KCND2: variants seen among roughly 807,000 people sequenced by gnomAD.
KCND2 encodes the protein A-type voltage-gated potassium channel KCND2.
KCND2 carries 16 observed loss-of-function variants against 54.4 expected under a neutral mutation model. The ratio of observed to expected loss-of-function variants is 0.29; its 90% CI spans 0.20 to 0.45. KCND2 has a LOEUF of 0.45. Ranked by LOEUF, KCND2 falls within the 20% of genes least tolerant of loss-of-function variation. The pLI is 1.00. For missense variants in KCND2, 486 were observed against 824.2 expected (o/e 0.59, Z 5.02); for synonymous variants, 317 against 310.7 (o/e 1.02, Z -0.21).
At chr7:120,512,832 C>T (rs970236878) in intron 1 of KCND2, among the ~76,000 whole-genome samples, 4 of 144,410 alleles carry the variant, frequency 2.8e-5, no homozygotes, top group Non-Finnish European at 6.0e-5. Flanking sequence ...CAGATTCTTG[C>T]TCTGTCTCCC....
intron 1 of KCND2, among the ~76,000 whole-genome samples, chr7:120,387,549 T>C (rs1801008439): frequency 6.6e-6 from 1 of 152,080 alleles, no homozygotes; most frequent in African/African-American, 2.4e-5. Flanking sequence ...TACCCCTGTG[T>C]CTTCTCATTA....
chr7:120,386,898 AG>A (rs1166959795), intron 1 of KCND2, among the ~76,000 whole-genome samples: 4 of 152,132 alleles, frequency 2.6e-5, no homozygotes, highest in Non-Finnish European at 5.9e-5. Flanking sequence ...CAATAGTTAA[AG>A]GATGTTTCTG....
At chr7:120,657,465 T>A (rs1791816663) in intron 1 of KCND2, among the ~76,000 whole-genome samples, 1 of 152,184 alleles carries the variant, frequency 6.6e-6, no homozygotes, top group African/African-American at 2.4e-5. Context: ...CTTAGGCCTC[T>A]GTTATAACAG....
intron 1 of KCND2, among the ~76,000 whole-genome samples, chr7:120,516,253 T>C (rs802333): frequency 0.13 from 19,779 of 152,106 alleles, 2,306 homozygotes; most frequent in East Asian, 0.49. Context: ...CTGCAAATAA[T>C]TTTCCTGGGA....
chr7:120,325,643 G>A (rs867235980), intron 1 of KCND2, among the ~76,000 whole-genome samples: 1 of 151,976 alleles, frequency 6.6e-6, no homozygotes, highest in Non-Finnish European at 1.5e-5. Context: ...GCATCCCAGG[G>A]ATGAAGCCCA....
intron 1 of KCND2, among the ~76,000 whole-genome samples, chr7:120,514,099 C>T (rs1434287749): frequency 6.6e-6 from 1 of 152,140 alleles, no homozygotes; most frequent in East Asian, 1.9e-4. Flanking sequence ...AATTGATATA[C>T]TGATTTATTT....
At chr7:120,579,629 TAAATAAATAAATAAATA>T (rs1162433742) in intron 1 of KCND2, among the ~76,000 whole-genome samples, 2,423 of 145,932 alleles carry the variant, frequency 0.017, 54 homozygotes, top group African/African-American at 0.059. Flanking sequence ...AATAAATAAA[TAAATAAATAAATAAATA>T]AAATAAAATA....
intron 1 of KCND2, among the ~76,000 whole-genome samples, chr7:120,409,875 C>A (rs924309460): frequency 1.6e-4 from 24 of 151,772 alleles, no homozygotes; most frequent in African/African-American, 5.6e-4. Flanking sequence ...CTTCCTAAGA[C>A]AAAATTTAAA....
Position 120,654,961 on chromosome 7 carries a change from C to T in KCND2, c.1116-77942C>T, listed in dbSNP as rs1160177905. Reference sequence around the variant, plus strand: ...TATTCACTTATTACACACATCTGTGCTTTTTGAACATGATATTATGTGTAT... The same window carrying T: ...TATTCACTTATTACACACATCTGTGTTTTTTGAACATGATATTATGTGTAT... On this transcript the variant is annotated intron_variant, in intron 1 of 5. Coordinates refer to ENST00000331113, the MANE Select transcript of KCND2 (RefSeq NM_012281.3). Among the ~76,000 whole-genome samples the T allele has an allele frequency of 2.0e-5, 3 of 152,016 alleles. No individual in the cohort carries two copies. In the East Asian group the frequency reaches 5.8e-4, roughly 29 times the overall value.
At chr7:120,546,965 T>G (rs1456129813) in intron 1 of KCND2, among the ~76,000 whole-genome samples, 2 of 151,930 alleles carry the variant, frequency 1.3e-5, no homozygotes, top group African/African-American at 4.8e-5. Flanking sequence ...ATTTTTCTCC[T>G]CTGTCTCACT....
At chr7:120,330,793 C>T (rs374582998) in intron 1 of KCND2, among the ~76,000 whole-genome samples, 12 of 151,878 alleles carry the variant, frequency 7.9e-5, no homozygotes, top group African/African-American at 1.7e-4. Context: ...AATTAATATA[C>T]GTAGATGTTT....
At chr7:120,461,914 T>G (rs1358875149) in intron 1 of KCND2, among the ~76,000 whole-genome samples, 6 of 152,152 alleles carry the variant, frequency 3.9e-5, no homozygotes, top group Non-Finnish European at 5.9e-5. Context: ...GAAAGTTGGA[T>G]TCTTACATTC....
At chr7:120,338,604 G>A (rs1006985221) in intron 1 of KCND2, among the ~76,000 whole-genome samples, 4 of 151,646 alleles carry the variant, frequency 2.6e-5, no homozygotes, top group Admixed American at 6.6e-5. Flanking sequence ...TTTATCAACC[G>A]AAATTTTTCT....
At chr7:120,677,979 A>G (rs1792087772) in intron 1 of KCND2, among the ~76,000 whole-genome samples, 1 of 151,990 alleles carries the variant, frequency 6.6e-6, no homozygotes, top group East Asian at 1.9e-4. Context: ...TTGCATCTAT[A>G]TCCTTTATTG....
intron 1 of KCND2, among the ~76,000 whole-genome samples, chr7:120,538,284 C>T (rs1791936178): frequency 6.6e-6 from 1 of 152,162 alleles, no homozygotes; most frequent in Non-Finnish European, 1.5e-5. Flanking sequence ...CAATTCGTGA[C>T]ACCTGAAAAC....
intron 1 of KCND2, among the ~76,000 whole-genome samples, chr7:120,295,393 G>GAC (rs371319816): frequency 1.1e-4 from 7 of 64,970 alleles, no homozygotes; most frequent in Non-Finnish European, 1.9e-4. Flanking sequence ...CACACACACA[G>GAC]ACACACACAC....
intron 1 of KCND2, among the ~76,000 whole-genome samples, chr7:120,326,604 G>A (rs1036493814): frequency 1.1e-4 from 17 of 152,146 alleles, no homozygotes; most frequent in Non-Finnish European, 2.1e-4. Context: ...CAAGAAAGTT[G>A]TGCAGATAAT....
chr7:120,630,684 A>G (rs1027248249), intron 1 of KCND2, among the ~76,000 whole-genome samples: 9 of 152,206 alleles, frequency 5.9e-5, no homozygotes, highest in African/African-American at 1.9e-4. Flanking sequence ...CCAGACCATT[A>G]AAAGAATGAC....
At chr7:120,737,626 G>A (rs776054768) in intron 2 of KCND2, among the ~76,000 whole-genome samples, 2 of 151,994 alleles carry the variant, frequency 1.3e-5, no homozygotes, top group African/African-American at 4.8e-5. Flanking sequence ...CTCATTTCTA[G>A]CACAGCTATT....
Sources: gnomAD v4.1 joint callset for allele counts (sites outside exome capture counted in the v4.1 genomes callset) on GRCh38, gnomAD v4.1.1 for gene constraint, MANE v1.5 for transcripts, NCBI Gene and HGNC (gene_info 2026-07-23, HGNC 2026-07-21) for gene names.